FAM131A: variants seen among roughly 807,000 people sequenced by gnomAD.
FAM131A encodes protein FAM131A.
Under a neutral mutation model 39.2 loss-of-function variants are expected in FAM131A, and 24 were observed. The ratio of observed to expected loss-of-function variants is 0.61; its 90% confidence interval spans 0.44 to 0.86. The LOEUF (loss-of-function observed/expected upper bound fraction) is 0.86, where lower values mean the gene tolerates loss of function less well. FAM131A is among the 40% of genes least tolerant of loss of function. The pLI, the probability that FAM131A is intolerant of heterozygous loss-of-function variation, is 0.00. For synonymous variants in FAM131A, 202 were observed against 206.8 expected (o/e 0.98, Z 0.20); for missense variants, 373 against 481.2 (o/e 0.78, Z 2.10).
rs1363946733 is a variant in FAM131A, at chr3:184,344,584, G to T, written c.715G>T (p.Glu239Ter). The T allele has an allele frequency of 6.2e-7, 1 of 1,611,202 alleles. No homozygotes were observed. The highest frequency in any genetic ancestry group is 1.1e-5 in the South Asian group (1 of 90,904). The part of the protein sequence containing the change: ...FSRPVRQGSV[E>*]PESDCSQTVS... ...CCGGCCTGTGCGCCAGGGCTCCGTG[G>T]AGCCTGAGAGCGACTGCTCACAGAC... Residue 239 changes from glutamate to a stop codon, truncating the protein, a stop_gained, in exon 6 of 6, where the codon GAG becomes TAG. Coordinates refer to ENST00000383847, the MANE Select transcript of FAM131A (RefSeq NM_144635.5). LOFTEE classifies it high-confidence loss of function.
chr3:184,344,173 C>T (rs1179031443), intron 5 of FAM131A, among the ~76,000 whole-genome samples: 1 of 152,154 alleles, frequency 6.6e-6, no homozygotes, highest in African/African-American at 2.4e-5. Flanking sequence ...TTAGTAGAGA[C>T]AGGGTTTCTC....
chr3:184,341,642 A>C, intron 2 of FAM131A, 82 bp from the exon 3 acceptor site: 1 of 1,159,090 alleles, frequency 8.6e-7, no homozygotes, highest in Non-Finnish European at 1.3e-6. Context: ...TCTCCTCCTC[A>C]TGCCTTTGCT....
Position 184,342,027 on chromosome 3 carries a change from G to GT in FAM131A, c.326-39_326-38insT. The GT allele has an allele frequency of 6.2e-7, 1 of 1,612,906 alleles. No homozygotes were observed. The highest frequency in any genetic ancestry group is 1.3e-5 in the African/African-American group (1 of 74,904). On this transcript the variant is annotated intron_variant, in intron 3 of 5. Transcript: ENST00000383847. The surrounding 1 kb of genome is among the most constrained non-coding windows in gnomAD (Gnocchi z 4.6). Reference sequence around the variant, plus strand: ...TCCCTGCACCTGTGCTCCCTGGCCTGGTCCTTTACCAGGCTTCTCCACCCT... The same window carrying GT: ...TCCCTGCACCTGTGCTCCCTGGCCTGTGTCCTTTACCAGGCTTCTCCACCCT...
chr3:184,344,934 C>T lies in FAM131A; in HGVS notation c.1065C>T (p.Ser355=), dbSNP rs1310157990. ...ASDLASSGVV[S]LDEDEAEPEE... The stretch of plus-strand genomic sequence containing the variant: ...ACCTGGCCTCTTCTGGGGTGGTGTC[C>T]TTAGATGAGGATGAGGCAGAGCCAG... The change falls in exon 6 of 6, where the codon TCC becomes TCT. Residue 355 remains serine, a synonymous_variant. Transcript: ENST00000383847. 2 of 1,597,090 alleles carry T rather than the reference C, an allele frequency of 1.3e-6. No homozygotes were observed.
chr3:184,345,162 T>C lies in FAM131A; in HGVS notation c.*192T>C. 1 of 636,788 alleles carries C rather than the reference T, an allele frequency of 1.6e-6. No homozygotes were observed. Among genetic ancestry groups the C allele is most frequent in the Non-Finnish European group, 2.6e-6 (1 of 380,926 alleles). The allele number at this position is 636,788 out of a possible 1,614,324, so 39.4% of individuals were successfully genotyped here. On this transcript the variant is annotated 3_prime_UTR_variant, in exon 6 of 6. Transcript: ENST00000383847. ...AGGCAGGGGCTGGGCTGGGGGCGCA[T>C]GTCCTGCCCCCACTCCCGGGGCTTG... is the stretch of plus-strand genomic sequence containing the variant.
rs752668260 is a variant in FAM131A, at chr3:184,342,609, G to A, written c.509-135G>A. On this transcript the variant is annotated intron_variant, in intron 4 of 5. Coordinates refer to ENST00000383847, the MANE Select transcript of FAM131A (RefSeq NM_144635.5). The surrounding 1 kb of genome is among the most constrained non-coding windows in gnomAD (Gnocchi z 4.6). Reference sequence around the variant, plus strand: ...GCATAAGCCACCACACCCGGCCAGGGCTGCTTTCTTATCTCCTCGGGTCTG... The same window carrying A: ...GCATAAGCCACCACACCCGGCCAGGACTGCTTTCTTATCTCCTCGGGTCTG... 74 of 779,660 alleles carry A rather than the reference G, an allele frequency of 9.5e-5. No individual in the cohort carries two copies. The highest frequency in any genetic ancestry group is 1.4e-4 in the Non-Finnish European group (69 of 489,554). The allele number at this position is 779,660 out of a possible 1,614,324, so 48.3% of individuals were successfully genotyped here.
intron 2 of FAM131A, 145 bp downstream of exon 2, chr3:184,338,674 C>T (rs1291202946): frequency 3.7e-6 from 4 of 1,088,100 alleles, no homozygotes; most frequent in South Asian, 1.6e-5. Context: ...GGGAGGCCGC[C>T]CCCGTGCCGG....
chr3:184,341,967 T>C (rs756708594), intron 3 of FAM131A, 99 bp from the exon 4 acceptor site: 1 of 1,537,206 alleles, frequency 6.5e-7, no homozygotes, highest in African/African-American at 1.4e-5. Context: ...CACCCAAAGG[T>C]TCACATGGAT....
rs878889237 is a variant in FAM131A, at chr3:184,342,683, T to G, written c.509-61T>G. On this transcript the variant is annotated intron_variant, in intron 4 of 5. Coordinates refer to ENST00000383847, the MANE Select transcript of FAM131A (RefSeq NM_144635.5). This position sits in a 1 kb window ranked among gnomAD's most constrained non-coding sequence, Gnocchi z 4.6. The stretch of plus-strand genomic sequence containing the variant: ...TACCCTGTTTCTCCTCTCTCCTGTC[T>G]TCAAGCTGAGCCCTAGACTTAGCTC... 1.2e-5 allele frequency: 18 copies of G among 1,471,640 alleles called. 1 individual carries two copies. In the South Asian group the frequency reaches 1.9e-4, roughly 15 times the overall value. 91.2% of individuals were successfully genotyped at this position (1,471,640 alleles called of 1,614,324 possible). A position where few individuals can be genotyped will look rare whatever the true frequency, so the allele number is the denominator to read the frequency against.
chr3:184,345,511 C>T lies in FAM131A; in HGVS notation c.*541C>T, dbSNP rs200454232. 5.0e-5 allele frequency: 35 copies of T among 702,954 alleles called. No homozygotes were observed. Among genetic ancestry groups the T allele is most frequent in the Admixed American group, 3.0e-4 (15 of 49,994 alleles). 43.5% of individuals were successfully genotyped at this position (702,954 alleles called of 1,614,324 possible). On this transcript the variant is annotated 3_prime_UTR_variant, in exon 6 of 6. Coordinates refer to ENST00000383847, the MANE Select transcript of FAM131A (RefSeq NM_144635.5). ...TCAAGGGCCCCTGCCCAGCTGGGCT[C>T]GTGCTGTGCTTCATTCACCTCTCCA...
upstream of FAM131A, among the ~76,000 whole-genome samples, chr3:184,336,675 T>C (rs1727122527): frequency 1.3e-5 from 2 of 152,204 alleles, no homozygotes; most frequent in African/African-American, 4.8e-5. The surrounding 1 kb of genome is among the most constrained non-coding windows in gnomAD (Gnocchi z 5.5). Context: ...GGGACTGAGG[T>C]CCCGTTTGGG....
chr3:184,338,838 C>T, intron 2 of FAM131A: 1 of 280,566 alleles, frequency 3.6e-6, no homozygotes, highest in Admixed American at 5.3e-5. Flanking sequence ...GCCGCAGCTG[C>T]GCGGAGCGCC....
In FAM131A at chr3:184,337,637, A is replaced by G. The variant is rs1291959517; in HGVS notation, c.7A>G (p.Met3Val). 5.9e-6 allele frequency: 9 copies of G among 1,537,156 alleles called. No homozygotes were observed. The Admixed American group carries it at 5.9e-5, about 10-fold the overall frequency. Residue 3 changes from methionine to valine, a missense_variant, in exon 1 of 6, where the codon ATG (methionine) becomes GTG (valine). Physicochemically the swap from Met to Val is conservative, Grantham distance 21. Around this residue, in one of 2 missense-constraint regions of FAM131A, gnomAD observed 221 missense variants for 347.7 expected, o/e 0.64. Coordinates refer to ENST00000383847, the MANE Select transcript of FAM131A (RefSeq NM_144635.5). MP[M>V]ISVLGKMFLW... ...CTGCATCAACACAGCCAGCATGCCT[A>G]TGATTTCTGTGCTGGGCAAAATGTT... is the stretch of plus-strand genomic sequence containing the variant.
intron 2 of FAM131A, chr3:184,338,739 A>T: frequency 1.8e-6 from 1 of 552,546 alleles, no homozygotes; most frequent in Non-Finnish European, 3.1e-6. Flanking sequence ...TTCCGCGCTG[A>T]CGTCAGCGCA....
In FAM131A at chr3:184,345,092, G is replaced by A. The variant is rs1184606116; in HGVS notation, c.*122G>A. ...CACAGCCTAGAGGGCTCCTGGGAGCGCTCGCTTCTCCGTTGTGTGTTTTGC... is the reference window on the plus strand; with the variant it reads ...CACAGCCTAGAGGGCTCCTGGGAGCACTCGCTTCTCCGTTGTGTGTTTTGC... On this transcript the variant is annotated 3_prime_UTR_variant, in exon 6 of 6. Transcript: ENST00000383847. The A allele has an allele frequency of 1.9e-5, 18 of 929,052 alleles. No individual in the cohort carries two copies. The highest frequency in any genetic ancestry group is 1.3e-4 in the East Asian group (5 of 37,100). 57.6% of individuals were successfully genotyped at this position (929,052 alleles called of 1,614,324 possible).
At position 184,344,987 on chromosome 3, in the gene FAM131A, C is replaced by T. The variant is rs370485685; in HGVS notation, c.*17C>T. 47 of 1,503,712 alleles carry T rather than the reference C, an allele frequency of 3.1e-5. No individual in the cohort carries two copies. Among genetic ancestry groups the T allele is most frequent in the Middle Eastern group, 1.7e-4 (1 of 5,792 alleles). 93.1% of individuals were successfully genotyped at this position (1,503,712 alleles called of 1,614,324 possible). The stretch of plus-strand genomic sequence containing the variant: ...GAACAGTGACCCACATCATGCCTGG[C>T]AGTGGCATGCATCCCCCGGCTGCTG... On this transcript the variant is annotated 3_prime_UTR_variant, in exon 6 of 6. Transcript: ENST00000383847.
rs1727595545 is a variant in FAM131A at position 184,345,358 on chromosome 3, C to G, written c.*388C>G. On this transcript the variant is annotated 3_prime_UTR_variant, in exon 6 of 6. Coordinates refer to ENST00000383847, the MANE Select transcript of FAM131A (RefSeq NM_144635.5). ...GGGAGGGGGCCCAGCAACCCCCCAC[C>G]CTCCCCATGCCTCTCTCTTCTCTGC... 1 of 600,568 alleles carries G rather than the reference C, an allele frequency of 1.7e-6. No individual in the cohort carries two copies. Among genetic ancestry groups the G allele is most frequent in the African/African-American group, 1.9e-5 (1 of 53,690 alleles). The allele number at this position is 600,568 out of a possible 1,614,324, so 37.2% of individuals were successfully genotyped here. A position where few individuals can be genotyped will look rare whatever the true frequency, so the allele number is the denominator to read the frequency against.
chr3:184,344,643 C>T lies in FAM131A; in HGVS notation c.774C>T (p.Cys258=). The T allele has an allele frequency of 1.2e-6, 2 of 1,612,942 alleles. No individual in the cohort carries two copies. The change falls in exon 6 of 6, where the codon TGC becomes TGT. Residue 258 remains cysteine, a synonymous_variant. Coordinates refer to ENST00000383847, the MANE Select transcript of FAM131A (RefSeq NM_144635.5). ...CAGACACCCTGTGCTCTAGTCTGTG[C>T]AGCCTGGAGGATGGGTTGTTGGGCT... The part of the protein sequence containing the change: ...VSPDTLCSSL[C]SLEDGLLGSP...
Position 184,345,127 on chromosome 3 carries a change from T to A in FAM131A, c.*157T>A. On this transcript the variant is annotated 3_prime_UTR_variant, in exon 6 of 6. Coordinates refer to ENST00000383847, the MANE Select transcript of FAM131A (RefSeq NM_144635.5). Reference sequence around the variant, plus strand: ...CCGTTGTGTGTTTTGCATGAAAGTGTTTGGAGAGGAGGCAGGGGCTGGGCT... The same window carrying A: ...CCGTTGTGTGTTTTGCATGAAAGTGATTGGAGAGGAGGCAGGGGCTGGGCT... 1.3e-6 allele frequency: 1 copy of A among 766,280 alleles called. No individual in the cohort carries two copies. Among genetic ancestry groups the A allele is most frequent in the Non-Finnish European group, 2.0e-6 (1 of 496,520 alleles). The allele number at this position is 766,280 out of a possible 1,614,324, so 47.5% of individuals were successfully genotyped here.
Sources: gnomAD v4.1 joint callset for allele counts (sites outside exome capture counted in the v4.1 genomes callset) on GRCh38, gnomAD v4.1.1 for gene constraint, gnomAD v4.1.1 regional missense constraint, Gnocchi (gnomAD v3.1) non-coding constraint, MANE v1.5 for transcripts, NCBI Gene and HGNC (gene_info 2026-07-23, HGNC 2026-07-21) for gene names.